Variants in SYNPO observed in about 807,000 individuals in gnomAD.
SYNPO encodes the protein synaptopodin.
A neutral mutation model predicts 49.5 loss-of-function variants in SYNPO; 19 were observed. The ratio of observed to expected loss-of-function variants is 0.38; its 90% CI spans 0.27 to 0.56. SYNPO has a LOEUF of 0.56. Among genes scored for constraint, SYNPO ranks in the 20% least tolerant of loss-of-function variants. The pLI is 0.68. For missense variants in SYNPO, 1,131 were observed against 1,248.3 expected (o/e 0.91, Z 1.42); for synonymous variants, 536 against 548.0 (o/e 0.98, Z 0.31).
intron 1 of SYNPO, among the ~76,000 whole-genome samples, chr5:150,613,151 TCTGC>T (rs1220637956): frequency 6.7e-6 from 1 of 148,398 alleles, no homozygotes; most frequent in East Asian, 2.1e-4. Flanking sequence ...TGCTGGGACC[TCTGC>T]CTGCCAGCCA....
the SYNPO span, among the ~76,000 whole-genome samples, chr5:150,592,952 G>C: frequency 1.3e-5 from 2 of 152,134 alleles, no homozygotes; most frequent in African/African-American, 4.8e-5. Context: ...CCATCACTGG[G>C]CAGCTTAGGA....
intron 1 of SYNPO, among the ~76,000 whole-genome samples, chr5:150,645,909 A>G (rs1758072356): frequency 6.6e-6 from 1 of 152,248 alleles, no homozygotes; most frequent in South Asian, 2.1e-4. Flanking sequence ...GTGTTAAAAG[A>G]TGTGAATTTT....
chr5:150,650,562 G>C (rs1379136259), intron 2 of SYNPO: 3 of 1,459,904 alleles, frequency 2.1e-6, no homozygotes, highest in Non-Finnish European at 2.7e-6. Context: ...CCATGTCTGA[G>C]CGGGGAGGAG....
At chr5:150,616,558 T>C (rs1561636709) in intron 1 of SYNPO, among the ~76,000 whole-genome samples, 1 of 152,134 alleles carries the variant, frequency 6.6e-6, no homozygotes, top group Non-Finnish European at 1.5e-5. Context: ...TTTCTAGATA[T>C]TTGTCCCCAG....
chr5:150,619,354 GC>G (rs1561638689), intron 2 of SYNPO, among the ~76,000 whole-genome samples: 1 of 152,186 alleles, frequency 6.6e-6, no homozygotes. Flanking sequence ...GCTGAGCTAG[GC>G]CCACGTTCCT....
chr5:150,643,754 C>T (rs1159294104), intron 1 of SYNPO, among the ~76,000 whole-genome samples: 6 of 152,052 alleles, frequency 3.9e-5, no homozygotes, highest in African/African-American at 1.4e-4. Flanking sequence ...AGGCTGGTCT[C>T]GAACTCCTGA....
chr5:150,656,652 A>G lies in SYNPO; in HGVS notation c.2277A>G (p.Arg759=), dbSNP rs1758567385. 2.7e-6 allele frequency: 4 copies of G among 1,506,516 alleles called. No individual in the cohort carries two copies. The highest frequency in any genetic ancestry group is 3.5e-6 in the Non-Finnish European group (4 of 1,135,670). The allele number at this position is 1,506,516 out of a possible 1,614,324, so 93.3% of individuals were successfully genotyped here. The change falls in exon 3 of 3, where the codon CGA becomes CGG. Residue 759 remains arginine (R), a synonymous_variant. Coordinates refer to ENST00000307662, the MANE Select transcript of SYNPO (RefSeq NM_007286.6). ...PSRQLQALLA[R]NIINAARRKS... The stretch of plus-strand genomic sequence containing the variant: ...GCCAGCTGCAGGCGCTTCTGGCGCG[A>G]AACATCATCAATGCGGCCCGGCGCA...
rs957571784 is a variant in SYNPO, at chr5:150,648,180, C to A, written c.-96C>A. The stretch of plus-strand genomic sequence containing the variant: ...CCCTTCAAGCCTCCCAGGCCATGCA[C>A]CGGGGCTCAGCCTGAGTTCCACCTC... On this transcript the variant is annotated 5_prime_UTR_variant, in exon 2 of 3. Transcript: ENST00000307662. This position sits in a 1 kb window ranked among gnomAD's most constrained non-coding sequence, Gnocchi z 5.0. The A allele has an allele frequency of 2.4e-5, 37 of 1,571,812 alleles. No homozygotes were observed. Among genetic ancestry groups the A allele is most frequent in the Non-Finnish European group, 2.8e-5 (33 of 1,157,996 alleles).
intron 2 of SYNPO, among the ~76,000 whole-genome samples, chr5:150,631,710 G>A (rs1003885059): frequency 6.6e-6 from 1 of 151,904 alleles, no homozygotes; most frequent in Admixed American, 6.6e-5. Flanking sequence ...TAGTGCTATC[G>A]ACAGACCCCA....
upstream of SYNPO, among the ~76,000 whole-genome samples, chr5:150,599,238 T>C (rs1430729533): frequency 6.6e-6 from 1 of 152,242 alleles, no homozygotes; most frequent in Admixed American, 6.5e-5. Context: ...CGACGATCTC[T>C]GCTTCACAGG....
chr5:150,632,334 A>G (rs1268977885), intron 2 of SYNPO, among the ~76,000 whole-genome samples: 1 of 152,230 alleles, frequency 6.6e-6, no homozygotes, highest in Non-Finnish European at 1.5e-5. Flanking sequence ...ACTTTAAATT[A>G]TGAGAAGCGC....
upstream of SYNPO, among the ~76,000 whole-genome samples, chr5:150,599,837 C>A (rs1435100727): frequency 6.6e-6 from 1 of 152,124 alleles, no homozygotes; most frequent in African/African-American, 2.4e-5. Flanking sequence ...AAGTGTCAAG[C>A]ACTGTGTTAA....
chr5:150,621,760 C>T (rs534576894), intron 2 of SYNPO, among the ~76,000 whole-genome samples: 3 of 152,222 alleles, frequency 2.0e-5, no homozygotes, highest in African/African-American at 7.2e-5. Context: ...GCCTGAGTAC[C>T]AGCTGAGCAG....
rs759517134 is a variant in SYNPO at position 150,648,418 on chromosome 5, G to C, written c.143G>C (p.Arg48Pro). 9 of 1,614,146 alleles carry C rather than the reference G, an allele frequency of 5.6e-6. No individual in the cohort carries two copies. Among genetic ancestry groups the C allele is most frequent in the Non-Finnish European group, 7.6e-6 (9 of 1,180,036 alleles). The change falls in exon 2 of 3, where the codon CGA (arginine) becomes CCA (proline). Residue 48 changes from arginine to proline, a missense_variant. Arg to Pro is a moderately radical substitution (Grantham distance 103). Transcript: ENST00000307662. The surrounding 1 kb of genome is among the most constrained non-coding windows in gnomAD (Gnocchi z 5.0). The stretch of plus-strand genomic sequence containing the variant: ...AATGGGCTGCACCTGTCCCAAAACC[G>C]AGAGGCCCAGCAGTCCTCACCGGCC... The part of the protein sequence containing the change: ...TANGLHLSQN[R>P]EAQQSSPAPP...
At chr5:150,594,419 T>C in the SYNPO span, among the ~76,000 whole-genome samples, 1 of 152,184 alleles carries the variant, frequency 6.6e-6, no homozygotes. Flanking sequence ...ATCCTCAAGC[T>C]GGGCAGGATC....
At chr5:150,628,265 G>A (rs540886570) in intron 2 of SYNPO, among the ~76,000 whole-genome samples, 39 of 152,234 alleles carry the variant, frequency 2.6e-4, no homozygotes, top group African/African-American at 7.9e-4. Flanking sequence ...TTTTCCACTC[G>A]GTGAGGCAGG....
chr5:150,648,261 G>A lies in SYNPO; in HGVS notation c.-15G>A, dbSNP rs377264111. On this transcript the variant is annotated 5_prime_UTR_variant, in exon 2 of 3. Transcript: ENST00000307662. The surrounding 1 kb of genome is among the most constrained non-coding windows in gnomAD (Gnocchi z 5.0). ...CAGTCCCCAGAGCCCCGACAGAGGG[G>A]TCCCTGGCCACAGCATGGAGGGGTA... The A allele has an allele frequency of 1.2e-5, 20 of 1,614,032 alleles. No individual in the cohort carries two copies. The African/African-American group carries it at 2.3e-4, about 18-fold the overall frequency.
upstream of SYNPO, among the ~76,000 whole-genome samples, chr5:150,599,316 G>T (rs569354475): frequency 1.3e-5 from 2 of 152,240 alleles, no homozygotes; most frequent in Non-Finnish European, 2.9e-5. Context: ...CCAAGAACCC[G>T]GGAAGCAAGC....
chr5:150,648,551 A>T lies in SYNPO; in HGVS notation c.276A>T (p.Pro92=). The T allele has an allele frequency of 6.2e-7, 1 of 1,614,140 alleles. No individual in the cohort carries two copies. Among genetic ancestry groups the T allele is most frequent in the Non-Finnish European group, 8.5e-7 (1 of 1,180,022 alleles). Residue 92 remains proline, a synonymous_variant, in exon 2 of 3, where the codon CCA becomes CCT. Coordinates refer to ENST00000307662, the MANE Select transcript of SYNPO (RefSeq NM_007286.6). The surrounding 1 kb of genome is among the most constrained non-coding windows in gnomAD (Gnocchi z 5.0). The stretch of plus-strand genomic sequence containing the variant: ...CTTCTAACAGCAGCCACAATCCGCC[A>T]GCCACCGATGTCAATCAGAACCCAC... The part of the protein sequence containing the change: ...TPTSNSSHNP[P]ATDVNQNPPA...
Sources: gnomAD v4.1 joint callset for allele counts (sites outside exome capture counted in the v4.1 genomes callset) on GRCh38, gnomAD v4.1.1 for gene constraint, Gnocchi (gnomAD v3.1) non-coding constraint, MANE v1.5 for transcripts, NCBI Gene and HGNC (gene_info 2026-07-23, HGNC 2026-07-21) for gene names.